Variants in NRIP1 observed in about 807,000 individuals in gnomAD.
NRIP1 encodes the protein nuclear receptor interacting protein 1.
In NRIP1, 28 loss-of-function variants were observed where a neutral mutation model predicts 75.0. The ratio of observed to expected loss-of-function variants is 0.37; its 90% CI spans 0.28 to 0.51. NRIP1 has a LOEUF of 0.51. NRIP1 is among the 20% of genes least tolerant of loss of function. The pLI, the probability that NRIP1 is intolerant of heterozygous loss-of-function variation, is 0.92. For missense variants in NRIP1, 1,435 were observed against 1,343.7 expected (o/e 1.07, Z -1.06); for synonymous variants, 526 against 487.6 (o/e 1.08, Z -1.04).
At chr21:14,987,549 A>G (rs1449295905) in intron 3 of NRIP1, among the ~76,000 whole-genome samples, 3 of 152,190 alleles carry the variant, frequency 2.0e-5, no homozygotes, top group African/African-American at 7.2e-5. Flanking sequence ...AAGGGCAATC[A>G]AAGGAAGACA....
Position 14,965,942 on chromosome 21 carries a change from G to A in NRIP1, c.2251C>T (p.Leu751=), listed in dbSNP as rs767093976. 5.0e-6 allele frequency: 8 copies of A among 1,614,082 alleles called. No homozygotes were observed. In the East Asian group the frequency reaches 1.8e-4, roughly 36 times the overall value. Residue 751 remains leucine, a synonymous_variant, in exon 4 of 4, where the codon CTG becomes TTG. Coordinates refer to ENST00000318948, the MANE Select transcript of NRIP1 (RefSeq NM_003489.4). The stretch of plus-strand genomic sequence containing the variant: ...GGCTCAGATTTTATTTTCACCATCA[G>A]TATTTGTTCACTTAAAGCTCTCTCT... ...HSERALSEQI[L]MVKIKSEPCD...
chr21:14,989,041 T>A (rs1338752623), intron 3 of NRIP1, among the ~76,000 whole-genome samples: 1 of 152,002 alleles, frequency 6.6e-6, no homozygotes, highest in African/African-American at 2.4e-5. Context: ...TCCTGAAGAG[T>A]TCGCTGCATG....
At chr21:15,021,973 G>A (rs1371147179) in intron 2 of NRIP1, among the ~76,000 whole-genome samples, 1 of 152,166 alleles carries the variant, frequency 6.6e-6, no homozygotes, top group Non-Finnish European at 1.5e-5. Context: ...CATTGTGGAA[G>A]ACAGCGTGGC....
intron 3 of NRIP1, among the ~76,000 whole-genome samples, chr21:14,996,995 T>G (rs2087746900): frequency 6.6e-6 from 1 of 152,076 alleles, no homozygotes; most frequent in South Asian, 2.1e-4. Context: ...AAACTTCACT[T>G]AAACTCAAAT....
At chr21:15,011,178 C>A (rs1200641648) in intron 3 of NRIP1, among the ~76,000 whole-genome samples, 1 of 152,124 alleles carries the variant, frequency 6.6e-6, no homozygotes, top group Admixed American at 6.5e-5. Context: ...ACCTCGTAAC[C>A]CAGCTCATCA....
Position 14,964,642 on chromosome 21 carries a change from GCT to G in NRIP1, c.*72_*73del. On this transcript the variant is annotated 3_prime_UTR_variant, in exon 4 of 4. Transcript: ENST00000318948. ...TATACCATGCTTTTTTTCAAATCAT[GCT>G]CTTATTTATACAGATCTCAAGTTCA... 1 of 1,108,980 alleles carries G rather than the reference GCT, an allele frequency of 9.0e-7. No individual in the cohort carries two copies. Among genetic ancestry groups the G allele is most frequent in the Middle Eastern group, 2.1e-4 (1 of 4,712 alleles). 68.7% of individuals were successfully genotyped at this position (1,108,980 alleles called of 1,614,324 possible).
At chr21:15,008,602 G>T (rs2088029738) in intron 3 of NRIP1, among the ~76,000 whole-genome samples, 1 of 152,048 alleles carries the variant, frequency 6.6e-6, no homozygotes, top group South Asian at 2.1e-4. Flanking sequence ...GACATTAATA[G>T]AAAAGTGGGT....
intron 3 of NRIP1, among the ~76,000 whole-genome samples, chr21:15,001,173 T>C (rs1328771743): frequency 6.6e-6 from 1 of 152,108 alleles, no homozygotes; most frequent in Non-Finnish European, 1.5e-5. Flanking sequence ...AATACAAAAG[T>C]AAACAATAGG....
chr21:15,011,991 T>C (rs1374159478), intron 3 of NRIP1, among the ~76,000 whole-genome samples: 1 of 152,202 alleles, frequency 6.6e-6, no homozygotes, highest in Non-Finnish European at 1.5e-5. Context: ...TTCAATTAAT[T>C]ACATCCTTTT....
Position 15,044,114 on chromosome 21 carries a change from C to T in NRIP1, c.-537-540G>A, listed in dbSNP as rs1160454433. 6.6e-5 allele frequency among the ~76,000 whole-genome samples: 10 copies of T among 152,174 alleles called. No individual in the cohort carries two copies. In the East Asian group the frequency reaches 1.5e-3, roughly 23 times the overall value. ...GATTACAGGCGTGAGCCAGCACACC[C>T]GGCCCACTACTCATCTGTTTTTATT... On this transcript the variant is annotated intron_variant, in intron 1 of 3. Transcript: ENST00000318948.
rs1480235229 is a variant in NRIP1, at chr21:14,963,591, C to T, written c.*1125G>A. 6.6e-6 allele frequency: 1 copy of T among 152,256 alleles called. No homozygotes were observed. Among genetic ancestry groups the T allele is most frequent in the Non-Finnish European group, 1.5e-5 (1 of 67,984 alleles). 9.4% of individuals were successfully genotyped at this position (152,256 alleles called of 1,614,324 possible). The stretch of plus-strand genomic sequence containing the variant: ...GTTTTTTGTTTTTGTTTTACAGTCT[C>T]ATGTTCTGAGGAAAGTCATAAGTCA... On this transcript the variant is annotated 3_prime_UTR_variant, in exon 4 of 4. Coordinates refer to ENST00000318948, the MANE Select transcript of NRIP1 (RefSeq NM_003489.4).
chr21:14,967,785 C>T lies in NRIP1; in HGVS notation c.408G>A (p.Leu136=), dbSNP rs890664878. The stretch of plus-strand genomic sequence containing the variant: ...GCAGCCTAGAGCTGAATGACTGAAG[C>T]AAAGAGGCCAGTAATGTGCTATCCT... ...GKQDSTLLAS[L]LQSFSSRLQT... The change falls in exon 4 of 4, where the codon TTG becomes TTA. Residue 136 remains leucine, a synonymous_variant. Transcript: ENST00000318948. The T allele has an allele frequency of 1.5e-5, 25 of 1,613,904 alleles. No homozygotes were observed. Among genetic ancestry groups the T allele is most frequent in the Non-Finnish European group, 2.1e-5 (25 of 1,179,976 alleles).
chr21:14,993,615 TA>T (rs935171201), intron 3 of NRIP1, among the ~76,000 whole-genome samples: 2 of 151,506 alleles, frequency 1.3e-5, no homozygotes, highest in African/African-American at 4.9e-5. Context: ...ACCCCATCTC[TA>T]AAAAAATAAA....
intron 2 of NRIP1, among the ~76,000 whole-genome samples, chr21:15,042,249 C>A (rs2147319952): frequency 6.6e-6 from 1 of 152,234 alleles, no homozygotes; most frequent in East Asian, 1.9e-4. Flanking sequence ...TTAACAAATA[C>A]ATTATTTTAT....
chr21:15,006,197 G>C (rs768833665), intron 3 of NRIP1, among the ~76,000 whole-genome samples: 6 of 152,076 alleles, frequency 3.9e-5, no homozygotes, highest in Admixed American at 1.3e-4. Context: ...CATTAGAATA[G>C]TGAGTAACAC....
intron 3 of NRIP1, among the ~76,000 whole-genome samples, chr21:14,995,174 C>T (rs1195204120): frequency 6.6e-6 from 1 of 152,142 alleles, no homozygotes; most frequent in Non-Finnish European, 1.5e-5. Flanking sequence ...AAAGGAGTAA[C>T]TAGATAAGCA....
intron 2 of NRIP1, among the ~76,000 whole-genome samples, chr21:15,041,086 C>T (rs995261424): frequency 6.6e-6 from 1 of 151,776 alleles, no homozygotes; most frequent in Non-Finnish European, 1.5e-5. Context: ...GACACAAACT[C>T]GAAAGAAAAC....
intron 3 of NRIP1, among the ~76,000 whole-genome samples, chr21:15,012,753 CT>C (rs1007267047): frequency 1.3e-5 from 2 of 150,840 alleles, no homozygotes; most frequent in South Asian, 2.1e-4. Flanking sequence ...GCCTGGCTGT[CT>C]TTTTTTTTAA....
chr21:14,993,555 G>T (rs975721689), intron 3 of NRIP1, among the ~76,000 whole-genome samples: 4 of 152,112 alleles, frequency 2.6e-5, no homozygotes, highest in Non-Finnish European at 5.9e-5. Flanking sequence ...ATTTAATGGA[G>T]CAGTTATGAA....
Sources: allele counts gnomAD v4.1 joint callset (sites outside exome capture counted in the v4.1 genomes callset), GRCh38; gene constraint gnomAD v4.1.1; transcripts MANE v1.5; gene names NCBI Gene and HGNC (gene_info 2026-07-23, HGNC 2026-07-21).